ENPP3: variants seen among roughly 807,000 people sequenced by gnomAD.
ENPP3 encodes the protein ectonucleotide pyrophosphatase/phosphodiesterase 3, also known as ectonucleotide pyrophosphatase/phosphodiesterase family member 3.
A neutral mutation model predicts 117.8 loss-of-function variants in ENPP3; 104 were observed. The observed-to-expected ratio is 0.88, with a 90% CI of 0.75 to 1.04. The LOEUF is 1.04. ENPP3 is among the 50% of genes least tolerant of loss of function. The pLI, the probability that ENPP3 is intolerant of heterozygous loss-of-function variation, is 0.00. For missense variants in ENPP3, 1,026 were observed against 1,051.9 expected (o/e 0.98, Z 0.34); for synonymous variants, 380 against 349.9 (o/e 1.09, Z -0.96).
In ENPP3 at chr6:131,658,175, A is replaced by T. The variant is rs76145239; in HGVS notation, c.465-148A>T. 2.4e-3 allele frequency: 1,438 copies of T among 600,686 alleles called. 38 individuals carry two copies. The East Asian group carries it at 0.042, about 17-fold the overall frequency. 37.2% of individuals were successfully genotyped at this position (600,686 alleles called of 1,614,324 possible). A position where few individuals can be genotyped will look rare whatever the true frequency, so the allele number is the denominator to read the frequency against. On this transcript the variant is annotated intron_variant, in intron 5 of 24. Coordinates refer to ENST00000357639, the MANE Select transcript of ENPP3 (RefSeq NM_005021.5). Reference sequence around the variant, plus strand: ...TCTCAAAAAAAAAAAAAAAGAAATTAAAAAAATAAAAAATGACAGTGTCTG... The same window carrying T: ...TCTCAAAAAAAAAAAAAAAGAAATTTAAAAAATAAAAAATGACAGTGTCTG...
chr6:131,722,190 T>C lies in ENPP3; in HGVS notation c.1568-37T>C, dbSNP rs183959003. On this transcript the variant is annotated intron_variant, in intron 17 of 24. Transcript: ENST00000357639. Reference sequence around the variant, plus strand: ...CCACAGAGGAGTTGTTGCTTTCCAGTGTAAAGCTACTTTGAACTAATTTTT... The same window carrying C: ...CCACAGAGGAGTTGTTGCTTTCCAGCGTAAAGCTACTTTGAACTAATTTTT... The C allele has an allele frequency of 9.4e-5, 141 of 1,505,182 alleles. No individual in the cohort carries two copies. The African/African-American group carries it at 1.8e-3, about 19-fold the overall frequency. The allele number at this position is 1,505,182 out of a possible 1,614,324, so 93.2% of individuals were successfully genotyped here. A position where few individuals can be genotyped will look rare whatever the true frequency, so the allele number is the denominator to read the frequency against.
chr6:131,678,448 A>G (rs1778919297), intron 11 of ENPP3, among the ~76,000 whole-genome samples: 1 of 152,196 alleles, frequency 6.6e-6, no homozygotes. Flanking sequence ...ATATGAGTTT[A>G]TTCATTATCT....
intron 24 of ENPP3, among the ~76,000 whole-genome samples, chr6:131,743,289 AG>A (rs1296306284): frequency 1.0e-5 from 1 of 96,992 alleles, no homozygotes; most frequent in Admixed American, 9.1e-5. Flanking sequence ...TATGAGAAAT[AG>A]TATAAAACAG....
intron 6 of ENPP3, among the ~76,000 whole-genome samples, chr6:131,659,253 G>A (rs1295415494): frequency 2.6e-5 from 4 of 152,134 alleles, no homozygotes; most frequent in East Asian, 3.9e-4. Context: ...TTTGAGACCA[G>A]CCTGGGCAAC....
intron 20 of ENPP3, among the ~76,000 whole-genome samples, chr6:131,733,254 C>T (rs1289755473): frequency 6.6e-6 from 1 of 151,988 alleles, no homozygotes; most frequent in Non-Finnish European, 1.5e-5. Context: ...TTTAAAAGTA[C>T]AATATACATC....
At chr6:131,681,452 T>C (rs1251743518) in intron 11 of ENPP3, among the ~76,000 whole-genome samples, 2 of 152,048 alleles carry the variant, frequency 1.3e-5, no homozygotes, top group Non-Finnish European at 2.9e-5. Flanking sequence ...AATAGTACTC[T>C]GAGAGATAAG....
chr6:131,656,833 A>G (rs1055450522), intron 5 of ENPP3, among the ~76,000 whole-genome samples: 1 of 152,250 alleles, frequency 6.6e-6, no homozygotes, highest in Admixed American at 6.5e-5. Context: ...TCTTTAGGAA[A>G]TAATTAAGGG....
rs568985882 is a variant in ENPP3, at chr6:131,656,660, G to A, written c.465-1663G>A. ...CAGGTGCCTGTAGTCCCAGCTACTC[G>A]GGAGGTTGACGCAGGAGAATGGTGT... On this transcript the variant is annotated intron_variant, in intron 5 of 24. Coordinates refer to ENST00000357639, the MANE Select transcript of ENPP3 (RefSeq NM_005021.5). Among the ~76,000 whole-genome samples the A allele has an allele frequency of 3.9e-5, 6 of 152,074 alleles. No homozygotes were observed. The South Asian group carries it at 6.2e-4, about 16-fold the overall frequency.
intron 23 of ENPP3, among the ~76,000 whole-genome samples, chr6:131,739,127 T>TAAAC (rs1218625262): frequency 1.3e-5 from 2 of 152,196 alleles, no homozygotes; most frequent in Admixed American, 1.3e-4. Context: ...AAACTGGGGT[T>TAAAC]AAACAACTTA....
intron 6 of ENPP3, among the ~76,000 whole-genome samples, chr6:131,660,071 G>A (rs1778466224): frequency 6.6e-6 from 1 of 152,166 alleles, no homozygotes; most frequent in Admixed American, 6.5e-5. Flanking sequence ...GCTATGATCA[G>A]CTAGGCCTAC....
chr6:131,737,027 A>C (rs1029554860), intron 21 of ENPP3, among the ~76,000 whole-genome samples: 28 of 152,248 alleles, frequency 1.8e-4, no homozygotes, highest in Middle Eastern at 3.4e-3. Context: ...TTAAGACACT[A>C]GTCACTGGAT....
intron 21 of ENPP3, among the ~76,000 whole-genome samples, chr6:131,735,493 GC>G (rs1780376660): frequency 6.6e-6 from 1 of 152,100 alleles, no homozygotes; most frequent in Non-Finnish European, 1.5e-5. Flanking sequence ...GATGGTGCAT[GC>G]CTGTAATCCC....
chr6:131,678,865 A>G (rs1467761389), intron 11 of ENPP3, among the ~76,000 whole-genome samples: 1 of 151,862 alleles, frequency 6.6e-6, no homozygotes, highest in Non-Finnish European at 1.5e-5. Flanking sequence ...TGAACTATCT[A>G]AAATATATTC....
At chr6:131,737,918 G>A in intron 22 of ENPP3, 113 bp from the exon 23 acceptor site, 1 of 704,790 alleles carries the variant, frequency 1.4e-6, no homozygotes, top group Non-Finnish European at 2.2e-6. Flanking sequence ...AATCATCACT[G>A]GCAATTATTA....
intron 6 of ENPP3, among the ~76,000 whole-genome samples, chr6:131,659,470 T>C (rs1778453859): frequency 6.6e-6 from 1 of 152,144 alleles, no homozygotes; most frequent in Non-Finnish European, 1.5e-5. Flanking sequence ...TTTTATGTCA[T>C]TTTTACTGGT....
At chr6:131,672,920 T>A (rs1037244292) in intron 7 of ENPP3, among the ~76,000 whole-genome samples, 2 of 152,070 alleles carry the variant, frequency 1.3e-5, no homozygotes, top group African/African-American at 4.8e-5. Flanking sequence ...GCAGGGAAGA[T>A]GGATAGAGAC....
At chr6:131,703,949 A>T (rs1393107549) in intron 15 of ENPP3, among the ~76,000 whole-genome samples, 1 of 152,204 alleles carries the variant, frequency 6.6e-6, no homozygotes, top group East Asian at 1.9e-4. Context: ...CAGAGAACTG[A>T]GCTTCTGTCT....
At chr6:131,671,464 C>G in intron 7 of ENPP3, 137 bp downstream of exon 7, 1 of 644,756 alleles carries the variant, frequency 1.6e-6, no homozygotes, top group South Asian at 1.8e-5. Flanking sequence ...TGGCTGAATT[C>G]AGGCTGTGAA....
At chr6:131,651,496 G>C (rs968247347) in intron 3 of ENPP3, among the ~76,000 whole-genome samples, 1 of 152,136 alleles carries the variant, frequency 6.6e-6, no homozygotes, top group Admixed American at 6.6e-5. Flanking sequence ...TGTTTCATTT[G>C]CAGTGGTTCT....
Sources: gnomAD v4.1 joint callset for allele counts (sites outside exome capture counted in the v4.1 genomes callset) on GRCh38, gnomAD v4.1.1 for gene constraint, MANE v1.5 for transcripts, NCBI Gene and HGNC (gene_info 2026-07-23, HGNC 2026-07-21) for gene names.